Variants in SYNJ2 observed in about 807,000 individuals in gnomAD.
SYNJ2 encodes the protein synaptojanin 2, also known as polyphosphatidylinositol phosphatase SYNJ2.
SYNJ2 carries 116 observed loss-of-function variants against 141.3 expected under a neutral mutation model. That is an observed-to-expected ratio of 0.82 (90% CI 0.71 to 0.96). The LOEUF is 0.96. Ranked by LOEUF, SYNJ2 falls within the 40% of genes least tolerant of loss-of-function variation. The pLI is 0.00. For synonymous variants in SYNJ2, 745 were observed against 777.7 expected (o/e 0.96, Z 0.70); for missense variants, 1,873 against 1,934.8 (o/e 0.97, Z 0.60).
chr6:157,982,035 C>G lies in SYNJ2; in HGVS notation c.74C>G (p.Ala25Gly). 7.5e-7 allele frequency: 1 copy of G among 1,333,196 alleles called. No homozygotes were observed. The highest frequency in any genetic ancestry group is 9.6e-7 in the Non-Finnish European group (1 of 1,045,078). The allele number at this position is 1,333,196 out of a possible 1,614,324, so 82.6% of individuals were successfully genotyped here. A position where few individuals can be genotyped will look rare whatever the true frequency, so the allele number is the denominator to read the frequency against. The change falls in exon 1 of 27, where the codon GCG (alanine) becomes GGG (glycine). Residue 25 changes from alanine to glycine, a missense_variant. Coordinates refer to ENST00000355585, the MANE Select transcript of SYNJ2 (RefSeq NM_003898.4). The surrounding 1 kb of genome is among the most constrained non-coding windows in gnomAD (Gnocchi z 4.0). ...GGGGACTGTAGCGTGCTGCTGGAGG[C>G]GCGCGGCCGCGACGACTGCCTGCTG... is the stretch of plus-strand genomic sequence containing the variant. Reference protein sequence around the residue: ...AEGDCSVLLEARGRDDCLLFE... With the variant: ...AEGDCSVLLEGRGRDDCLLFE...
chr6:158,087,005 C>T lies in SYNJ2; in HGVS notation c.3343+16C>T. 6.8e-7 allele frequency: 1 copy of T among 1,477,472 alleles called. No homozygotes were observed. The highest frequency in any genetic ancestry group is 9.1e-7 in the Non-Finnish European group (1 of 1,101,254). The allele number at this position is 1,477,472 out of a possible 1,614,324, so 91.5% of individuals were successfully genotyped here. ...CCCCCTCCAAGTAAGACTCTGCTTG[C>T]TTTCAGCTCCCTGGATGCCTGCCAG... On this transcript the variant is annotated intron_variant, in intron 23 of 26. Coordinates refer to ENST00000355585, the MANE Select transcript of SYNJ2 (RefSeq NM_003898.4).
intron 14 of SYNJ2, 132 bp downstream of exon 14, chr6:158,069,805 A>G: frequency 6.0e-6 from 7 of 1,175,290 alleles, no homozygotes; most frequent in Non-Finnish European, 7.9e-6. Flanking sequence ...TTTTAGATAA[A>G]TGTAGCAAAA....
Position 158,043,198 on chromosome 6 carries a change from C to T in SYNJ2, c.712-118C>T. Reference sequence around the variant, plus strand: ...GGGGAGCAGAGGACGCCGGAGTCCACCGTCCGCCCTTCATTCTGGCTGGTG... The same window carrying T: ...GGGGAGCAGAGGACGCCGGAGTCCATCGTCCGCCCTTCATTCTGGCTGGTG... On this transcript the variant is annotated intron_variant, in intron 4 of 26. Transcript: ENST00000355585. This position sits in a 1 kb window ranked among gnomAD's most constrained non-coding sequence, Gnocchi z 4.0. The T allele has an allele frequency of 1.2e-6, 1 of 819,350 alleles. No individual in the cohort carries two copies. Among genetic ancestry groups the T allele is most frequent in the Non-Finnish European group, 2.0e-6 (1 of 501,980 alleles). The allele number at this position is 819,350 out of a possible 1,614,324, so 50.8% of individuals were successfully genotyped here. A position where few individuals can be genotyped will look rare whatever the true frequency, so the allele number is the denominator to read the frequency against.
chr6:158,047,179 C>T (rs188020948), intron 5 of SYNJ2, among the ~76,000 whole-genome samples: 5 of 152,224 alleles, frequency 3.3e-5, no homozygotes, highest in Admixed American at 3.3e-4. Context: ...GGGCAAGAGT[C>T]GAATTGGTGC....
rs1310377569 is a variant in SYNJ2, at chr6:157,982,023, T to C, written c.62T>C (p.Val21Ala). Residue 21 changes from valine (V) to alanine (A), a missense_variant, in exon 1 of 27, where the codon GTG (valine) becomes GCG (alanine). Coordinates refer to ENST00000355585, the MANE Select transcript of SYNJ2 (RefSeq NM_003898.4). This position sits in a 1 kb window ranked among gnomAD's most constrained non-coding sequence, Gnocchi z 4.0. ...GRLGAEGDCS[V>A]LLEARGRDDC... ...CTGGGGGCCGAGGGGGACTGTAGCG[T>C]GCTGCTGGAGGCGCGCGGCCGCGAC... The C allele has an allele frequency of 1.5e-6, 2 of 1,333,418 alleles. No homozygotes were observed. The highest frequency in any genetic ancestry group is 1.9e-6 in the Non-Finnish European group (2 of 1,045,558). The allele number at this position is 1,333,418 out of a possible 1,614,324, so 82.6% of individuals were successfully genotyped here.
chr6:158,048,270 G>T (rs1780366211), intron 5 of SYNJ2, among the ~76,000 whole-genome samples: 3 of 152,206 alleles, frequency 2.0e-5, no homozygotes. Context: ...CAAGGGTCCA[G>T]ACTGGGGAGG....
chr6:158,047,173 A>T (rs959100449), intron 5 of SYNJ2, among the ~76,000 whole-genome samples: 5 of 152,186 alleles, frequency 3.3e-5, no homozygotes, highest in Non-Finnish European at 5.9e-5. Context: ...GATGAAGGGC[A>T]AGAGTCGAAT....
At chr6:158,008,845 A>C (rs1450084729) in intron 1 of SYNJ2, among the ~76,000 whole-genome samples, 2 of 152,154 alleles carry the variant, frequency 1.3e-5, no homozygotes, top group African/African-American at 4.8e-5. Flanking sequence ...TCAGTTCTCA[A>C]CAGAGCAGCC....
At chr6:157,988,118 C>A (rs1318359372) in intron 1 of SYNJ2, among the ~76,000 whole-genome samples, 2 of 152,270 alleles carry the variant, frequency 1.3e-5, no homozygotes, top group African/African-American at 4.8e-5. Flanking sequence ...GCTCAGCCCC[C>A]TCCCAGGGCC....
chr6:158,017,901 G>A (rs1109511), intron 2 of SYNJ2: 166,801 of 423,976 alleles, frequency 0.39, 34,115 homozygotes, highest in African/African-American at 0.52. Context: ...TGCCGGCGAG[G>A]GCCTAAGTGT....
At chr6:158,069,716 G>A in intron 14 of SYNJ2, 43 bp downstream of exon 14, 1 of 1,555,560 alleles carries the variant, frequency 6.4e-7, no homozygotes, top group Non-Finnish European at 8.7e-7. Flanking sequence ...ACAAGGGGTT[G>A]TTAGTCTTTG....
intron 25 of SYNJ2, among the ~76,000 whole-genome samples, chr6:158,090,833 C>T (rs999956781): frequency 6.6e-6 from 1 of 151,320 alleles, no homozygotes; most frequent in Non-Finnish European, 1.5e-5. Flanking sequence ...GTGTGAGCCA[C>T]CACACCTGGC....
At chr6:157,983,397 T>G (rs904019256) in intron 1 of SYNJ2, among the ~76,000 whole-genome samples, 1 of 152,224 alleles carries the variant, frequency 6.6e-6, no homozygotes, top group Non-Finnish European at 1.5e-5. Context: ...TGGTGTGGCC[T>G]TGAAAGAAAA....
chr6:157,983,915 C>T (rs1777102637), intron 1 of SYNJ2, among the ~76,000 whole-genome samples: 2 of 152,100 alleles, frequency 1.3e-5, no homozygotes, highest in Non-Finnish European at 2.9e-5. Flanking sequence ...GCAGCCTCAA[C>T]TTCCCAGGCT....
chr6:158,067,401 C>G (rs889252223), intron 12 of SYNJ2: 18 of 980,738 alleles, frequency 1.8e-5, no homozygotes, highest in Non-Finnish European at 1.9e-5. Flanking sequence ...TTTAAGTAGT[C>G]ACAAAATAAT....
In SYNJ2 at chr6:158,027,118, C is replaced by T; in HGVS notation, c.215-1638C>T. 2 of 985,392 alleles carry T rather than the reference C, an allele frequency of 2.0e-6. No homozygotes were observed. The highest frequency in any genetic ancestry group is 2.4e-6 in the Non-Finnish European group (2 of 829,934). The allele number at this position is 985,392 out of a possible 1,614,324, so 61.0% of individuals were successfully genotyped here. On this transcript the variant is annotated intron_variant, in intron 2 of 26. Transcript: ENST00000355585. The surrounding 1 kb of genome is among the most constrained non-coding windows in gnomAD (Gnocchi z 4.6). ...TTAAAGGAACGCACTTTAATGACAG[C>T]CACACGCCACCCTGCCACAAGCAGC...
chr6:158,063,762 T>A (rs375074765), intron 8 of SYNJ2, 29 bp from the exon 9 acceptor site: 1 of 1,539,360 alleles, frequency 6.5e-7, no homozygotes, highest in African/African-American at 1.4e-5. Context: ...AAACAACATA[T>A]AACCGTTTAC....
chr6:158,048,194 C>T (rs964904761), intron 5 of SYNJ2, among the ~76,000 whole-genome samples: 10 of 152,092 alleles, frequency 6.6e-5, no homozygotes, highest in Admixed American at 3.9e-4. Context: ...TGGACAGAGC[C>T]GTGTTGGAGG....
chr6:157,987,822 T>C (rs1449357565), intron 1 of SYNJ2, among the ~76,000 whole-genome samples: 1 of 152,250 alleles, frequency 6.6e-6, no homozygotes, highest in Non-Finnish European at 1.5e-5. Flanking sequence ...AGATTTCGTG[T>C]GGCCAGCAGC....
Sources: gnomAD v4.1 joint callset for allele counts (sites outside exome capture counted in the v4.1 genomes callset) on GRCh38, gnomAD v4.1.1 for gene constraint, Gnocchi (gnomAD v3.1) non-coding constraint, MANE v1.5 for transcripts, NCBI Gene and HGNC (gene_info 2026-07-23, HGNC 2026-07-21) for gene names.